Variants in SLC6A16 observed in about 807,000 individuals in gnomAD.
SLC6A16 encodes solute carrier family 6 member 16, also known as orphan sodium- and chloride-dependent neurotransmitter transporter NTT5.
In SLC6A16, 54 loss-of-function variants were observed where a neutral mutation model predicts 65.4. The ratio of observed to expected loss-of-function variants is 0.83; its 90% CI spans 0.66 to 1.04. The LOEUF (loss-of-function observed/expected upper bound fraction) is 1.04. Ranked by LOEUF, SLC6A16 falls within the 50% of genes least tolerant of loss-of-function variation. SLC6A16 has a pLI of 0.00. For missense variants in SLC6A16, 816 were observed against 914.0 expected (o/e 0.89, Z 1.38); for synonymous variants, 330 against 346.5 (o/e 0.95, Z 0.53).
rs141169679 is a variant in SLC6A16 at position 49,291,822 on chromosome 19, C to T, written c.1779-1055G>A. Among the ~76,000 whole-genome samples the T allele has an allele frequency of 3.7e-4, 57 of 152,172 alleles. No homozygotes were observed. The East Asian group carries it at 0.01, about 28-fold the overall frequency. ...CTCCACCTATTCATCTGTCCAGGCT[C>T]TGCTCAAGCATCCTCTCCTCTAGGC... On this transcript the variant is annotated intron_variant, in intron 10 of 11. Coordinates refer to ENST00000335875, the MANE Select transcript of SLC6A16 (RefSeq NM_014037.3).
intron 7 of SLC6A16, among the ~76,000 whole-genome samples, chr19:49,296,586 A>C (rs1970190759): frequency 6.6e-6 from 1 of 152,236 alleles, no homozygotes; most frequent in Non-Finnish European, 1.5e-5. Context: ...TGAATATCTA[A>C]ATAGAAAAAA....
the SLC6A16 span, among the ~76,000 whole-genome samples, chr19:49,333,272 A>T: frequency 1.8e-4 from 28 of 152,060 alleles, no homozygotes; most frequent in Admixed American, 1.8e-3. Context: ...CAGGAGTTCG[A>T]GGTCAGCCTG....
At chr19:49,298,710 T>C (rs1477260646) in intron 7 of SLC6A16, among the ~76,000 whole-genome samples, 1 of 152,176 alleles carries the variant, frequency 6.6e-6, no homozygotes, top group Non-Finnish European at 1.5e-5. Flanking sequence ...AGGGTCTATA[T>C]ACCCAAAGGA....
chr19:49,331,006 G>A, the SLC6A16 span, among the ~76,000 whole-genome samples: 3 of 151,278 alleles, frequency 2.0e-5, no homozygotes, highest in African/African-American at 7.3e-5. Context: ...AGGTATATTC[G>A]CTTCCCGAGA....
intron 7 of SLC6A16, 40 bp from the exon 8 acceptor site, chr19:49,294,593 C>T (rs1330846692): frequency 6.6e-7 from 1 of 1,520,566 alleles, no homozygotes; most frequent in South Asian, 1.3e-5. Flanking sequence ...CCATTTGGCC[C>T]AGTAGGAGAT....
chr19:49,314,687 T>C (rs901145398), intron 1 of SLC6A16, among the ~76,000 whole-genome samples: 1 of 152,138 alleles, frequency 6.6e-6, no homozygotes, highest in African/African-American at 2.4e-5. Flanking sequence ...TCACCTGATA[T>C]CATATAACTC....
At chr19:49,304,850 G>A (rs1334713371) in intron 7 of SLC6A16, among the ~76,000 whole-genome samples, 1 of 152,132 alleles carries the variant, frequency 6.6e-6, no homozygotes, top group Non-Finnish European at 1.5e-5. Context: ...CACACATTTT[G>A]CTTTAAACTA....
chr19:49,337,342 A>C, the SLC6A16 span: 1 of 982,262 alleles, frequency 1.0e-6, no homozygotes, highest in Non-Finnish European at 1.6e-6. Flanking sequence ...ATAAAGAGAA[A>C]TAAGAGGCTG....
chr19:49,310,595 T>C, intron 2 of SLC6A16, 85 bp from the exon 3 acceptor site: 11 of 1,465,048 alleles, frequency 7.5e-6, no homozygotes, highest in Non-Finnish European at 1.0e-5. Flanking sequence ...ACATTCTCCC[T>C]ACCAGCGACC....
chr19:49,339,430 C>T, the SLC6A16 span: 2 of 1,609,970 alleles, frequency 1.2e-6, no homozygotes, highest in Non-Finnish European at 1.7e-6. The surrounding 1 kb of genome is among the most constrained non-coding windows in gnomAD (Gnocchi z 4.5). Flanking sequence ...TGGCCCCGCC[C>T]CCACCCGCGA....
chr19:49,294,311 G>C (rs372913103), intron 8 of SLC6A16, 56 bp downstream of exon 8: 19 of 1,534,612 alleles, frequency 1.2e-5, no homozygotes, highest in South Asian at 1.1e-4. Context: ...TAAAATTTCT[G>C]TTGTGCTAAA....
intron 7 of SLC6A16, among the ~76,000 whole-genome samples, chr19:49,303,002 G>C (rs1970317465): frequency 6.6e-6 from 1 of 152,086 alleles, no homozygotes; most frequent in African/African-American, 2.4e-5. Context: ...GCCATCAAGA[G>C]AACACTTACA....
At chr19:49,303,370 C>G (rs535603702) in intron 7 of SLC6A16, among the ~76,000 whole-genome samples, 12 of 152,044 alleles carry the variant, frequency 7.9e-5, no homozygotes, top group Admixed American at 7.9e-4. Context: ...GTATGTAGGC[C>G]GGGCAGGGTG....
chr19:49,305,631 A>G lies in SLC6A16; in HGVS notation c.1229+3245T>C, dbSNP rs1392789705. 4.0e-5 allele frequency: 6 copies of G among 150,996 alleles called. No homozygotes were observed. The East Asian group carries it at 1.2e-3, about 29-fold the overall frequency. The allele number at this position is 150,996 out of a possible 1,614,324, so 9.4% of individuals were successfully genotyped here. On this transcript the variant is annotated intron_variant, in intron 7 of 11. Transcript: ENST00000335875. Reference sequence around the variant, plus strand: ...AAAAAGAAGAAGAAGAGCAGTGAGCAGCGCCGTCCCTGCTGGGCTCAGCCC... The same window carrying G: ...AAAAAGAAGAAGAAGAGCAGTGAGCGGCGCCGTCCCTGCTGGGCTCAGCCC...
At chr19:49,304,370 G>A (rs1238746845) in intron 7 of SLC6A16, among the ~76,000 whole-genome samples, 4 of 152,102 alleles carry the variant, frequency 2.6e-5, no homozygotes, top group Admixed American at 2.0e-4. Flanking sequence ...CCCAACAAAC[G>A]CCTATCCAAT....
the SLC6A16 span, chr19:49,338,229 G>C: frequency 1.4e-6 from 2 of 1,422,494 alleles, no homozygotes; most frequent in Non-Finnish European, 1.8e-6. This position sits in a 1 kb window ranked among gnomAD's most constrained non-coding sequence, Gnocchi z 5.0. Flanking sequence ...CCAGACCCTG[G>C]CGTGGCTTCG....
At position 49,294,411 on chromosome 19, in the gene SLC6A16, G is replaced by A. The variant is rs1970144351; in HGVS notation, c.1372C>T (p.Leu458Phe). The stretch of plus-strand genomic sequence containing the variant: ...ATGTTGCACTCAGTCACCTCGCGGA[G>A]AACCATGCTTTTGATGTGCTGGGGA... ...GLPQHIKSMV[L>F]REVTECNIET... Residue 458 changes from leucine (L) to phenylalanine (F), a missense_variant, in exon 8 of 12, where the codon CTC becomes TTC. Coordinates refer to ENST00000335875, the MANE Select transcript of SLC6A16 (RefSeq NM_014037.3). 6.2e-7 allele frequency: 1 copy of A among 1,614,162 alleles called. No individual in the cohort carries two copies. The highest frequency in any genetic ancestry group is 1.1e-5 in the South Asian group (1 of 91,070).
the SLC6A16 span, chr19:49,337,509 C>A: frequency 1.4e-6 from 1 of 696,620 alleles, no homozygotes; most frequent in Non-Finnish European, 2.2e-6. Context: ...GGGGTCCCAG[C>A]TACTTGGGAG....
At chr19:49,303,615 A>T (rs1600624700) in intron 7 of SLC6A16, among the ~76,000 whole-genome samples, 1 of 151,168 alleles carries the variant, frequency 6.6e-6, no homozygotes, top group East Asian at 1.9e-4. Flanking sequence ...AGATCACGCC[A>T]CTGCACTCCA....
Sources: allele counts gnomAD v4.1 joint callset (sites outside exome capture counted in the v4.1 genomes callset), GRCh38; gene constraint gnomAD v4.1.1; non-coding constraint Gnocchi (gnomAD v3.1); transcripts MANE v1.5; gene names NCBI Gene and HGNC (gene_info 2026-07-23, HGNC 2026-07-21).